COL5A2: variants seen among roughly 807,000 people sequenced by gnomAD.
The protein encoded by COL5A2 is collagen type V alpha 2 chain.
COL5A2 carries 23 observed loss-of-function variants against 208.2 expected under a neutral mutation model. The ratio of observed to expected loss-of-function variants is 0.11; its 90% CI spans 0.08 to 0.16. The LOEUF (loss-of-function observed/expected upper bound fraction) is 0.16. COL5A2 is among the 10% of genes least tolerant of loss of function. COL5A2 has a pLI of 1.00. For missense variants in COL5A2, 1,590 were observed against 1,956.4 expected (o/e 0.81, Z 3.53); for synonymous variants, 625 against 628.5 (o/e 0.99, Z 0.08).
chr2:189,172,779 T>C (rs1688595847), intron 1 of COL5A2, among the ~76,000 whole-genome samples: 1 of 152,056 alleles, frequency 6.6e-6, no homozygotes, highest in African/African-American at 2.4e-5. Context: ...CAATTCTGAT[T>C]GGGCATCTCA....
intron 12 of COL5A2, among the ~76,000 whole-genome samples, chr2:189,082,815 T>C (rs1403761413): frequency 3.3e-5 from 5 of 152,122 alleles, no homozygotes; most frequent in African/African-American, 1.2e-4. Flanking sequence ...CAGCAGGACA[T>C]GGGAAGTTCA....
intron 1 of COL5A2, among the ~76,000 whole-genome samples, chr2:189,169,396 T>C (rs1688529534): frequency 6.6e-6 from 1 of 152,124 alleles, no homozygotes; most frequent in South Asian, 2.1e-4. Context: ...AAACTCTCCA[T>C]TGGGAAATGC....
the COL5A2 span, among the ~76,000 whole-genome samples, chr2:189,325,774 G>C: frequency 6.6e-6 from 1 of 152,018 alleles, no homozygotes; most frequent in Non-Finnish European, 1.5e-5. Flanking sequence ...TCCTCTAAAA[G>C]TTTGAAGTCA....
At chr2:189,348,061 G>C in the COL5A2 span, among the ~76,000 whole-genome samples, 1 of 151,800 alleles carries the variant, frequency 6.6e-6, no homozygotes, top group Non-Finnish European at 1.5e-5. Context: ...AAAAATAAAA[G>C]TCCAACAACC....
the COL5A2 span, among the ~76,000 whole-genome samples, chr2:189,406,206 GAATTTT>G: frequency 6.6e-6 from 1 of 152,070 alleles, no homozygotes; most frequent in African/African-American, 2.4e-5. Flanking sequence ...TGGAAATTGA[GAATTTT>G]AATTTTAATC....
intron 1 of COL5A2, among the ~76,000 whole-genome samples, chr2:189,192,495 C>G (rs1688943822): frequency 6.6e-6 from 1 of 152,068 alleles, no homozygotes; most frequent in Non-Finnish European, 1.5e-5. Flanking sequence ...GTAAAAGACC[C>G]TTAATATTTC....
rs1316947389 is a variant in COL5A2 at position 189,032,063 on chromosome 2, A to G, written c.*2007T>C. The G allele has an allele frequency of 6.6e-6, 1 of 152,208 alleles. No individual in the cohort carries two copies. The highest frequency in any genetic ancestry group is 1.5e-5 in the Non-Finnish European group (1 of 68,030). The allele number at this position is 152,208 out of a possible 1,614,324, so 9.4% of individuals were successfully genotyped here. Reference sequence around the variant, plus strand: ...TATAGTTTGGACTTGGAAGTCAAACAAAACTCACACATGTATTTAGGCATA... The same window carrying G: ...TATAGTTTGGACTTGGAAGTCAAACGAAACTCACACATGTATTTAGGCATA... On this transcript the variant is annotated 3_prime_UTR_variant, in exon 54 of 54. Coordinates refer to ENST00000374866, the MANE Select transcript of COL5A2 (RefSeq NM_000393.5).
At chr2:189,364,974 C>T in the COL5A2 span, among the ~76,000 whole-genome samples, 1 of 151,900 alleles carries the variant, frequency 6.6e-6, no homozygotes, top group African/African-American at 2.4e-5. Context: ...TTAACTTCTC[C>T]GTAAATCTGA....
chr2:189,075,465 G>A, intron 16 of COL5A2, 28 bp from the exon 17 acceptor site: 2 of 1,576,336 alleles, frequency 1.3e-6, no homozygotes, highest in Non-Finnish European at 8.7e-7. Flanking sequence ...AGACAAGACA[G>A]GATAAGATTA....
At chr2:189,314,940 T>C in the COL5A2 span, among the ~76,000 whole-genome samples, 6 of 152,064 alleles carry the variant, frequency 3.9e-5, no homozygotes, top group African/African-American at 9.7e-5. Flanking sequence ...CAGTAATAAA[T>C]AGCATACCAA....
Position 189,110,254 on chromosome 2 carries a change from T to C in COL5A2, c.293A>G (p.Gln98Arg), listed in dbSNP as rs374402209. ...ATTGGTATTGCCACCTCCAGGTGTT[T>C]GTGAACAGACAGGACAGCATTCCCC... is the stretch of plus-strand genomic sequence containing the variant. ...PPGECCPVCSQTPGGGNTNFG... is the reference protein window; with the variant it reads ...PPGECCPVCSRTPGGGNTNFG... The change falls in exon 2 of 54, where the codon CAA becomes CGA. Residue 98 changes from glutamine (Q) to arginine (R), a missense_variant. Coordinates refer to ENST00000374866, the MANE Select transcript of COL5A2 (RefSeq NM_000393.5). 1.1e-5 allele frequency: 17 copies of C among 1,613,970 alleles called. No homozygotes were observed. The African/African-American group carries it at 2.1e-4, about 20-fold the overall frequency.
At chr2:189,082,075 G>C (rs1382648510) in intron 12 of COL5A2, among the ~76,000 whole-genome samples, 1 of 152,062 alleles carries the variant, frequency 6.6e-6, no homozygotes, top group Non-Finnish European at 1.5e-5. Context: ...ATAATCACTG[G>C]ATAAACAACT....
At chr2:189,433,634 A>G in the COL5A2 span, among the ~76,000 whole-genome samples, 1,056 of 152,320 alleles carry the variant, frequency 6.9e-3, 13 homozygotes, top group African/African-American at 0.024. Flanking sequence ...TAAACCAGGA[A>G]GAAGTTGAAT....
chr2:189,148,043 T>C (rs1420553716), intron 1 of COL5A2, among the ~76,000 whole-genome samples: 1 of 152,174 alleles, frequency 6.6e-6, no homozygotes, highest in Non-Finnish European at 1.5e-5. Context: ...TTAGTATTAA[T>C]AGAAAGAGGA....
the COL5A2 span, among the ~76,000 whole-genome samples, chr2:189,416,568 G>T: frequency 6.6e-6 from 1 of 152,168 alleles, no homozygotes; most frequent in Non-Finnish European, 1.5e-5. Context: ...TTGTGGGGTA[G>T]GAGGAAGGGG....
At chr2:189,317,303 T>C in the COL5A2 span, among the ~76,000 whole-genome samples, 2 of 152,144 alleles carry the variant, frequency 1.3e-5, no homozygotes, top group Admixed American at 6.5e-5. Flanking sequence ...CCTGGCAGTA[T>C]TTCCTCTATA....
intron 16 of COL5A2, among the ~76,000 whole-genome samples, chr2:189,077,519 G>A (rs1297047929): frequency 6.6e-6 from 1 of 152,136 alleles, no homozygotes; most frequent in East Asian, 1.9e-4. Flanking sequence ...CCAATGCTGG[G>A]GCAGAAATGT....
intron 19 of COL5A2, 90 bp downstream of exon 19, chr2:189,068,696 T>C: frequency 1.1e-6 from 1 of 880,142 alleles, no homozygotes; most frequent in South Asian, 1.4e-5. Flanking sequence ...AAATATTATG[T>C]ATCAATTAAA....
Position 189,110,414 on chromosome 2 carries a change from C to G in COL5A2, c.133G>C (p.Gly45Arg). The G allele has an allele frequency of 6.2e-7, 1 of 1,614,048 alleles. No homozygotes were observed. Among genetic ancestry groups the G allele is most frequent in the Non-Finnish European group, 8.5e-7 (1 of 1,179,944 alleles). Residue 45 changes from glycine (G) to arginine (R), a missense_variant, in exon 2 of 54, where the codon GGC (glycine) becomes CGC (arginine). By Grantham distance (125) the Gly-to-Arg change is moderately radical (BLOSUM62 -2). Coordinates refer to ENST00000374866, the MANE Select transcript of COL5A2 (RefSeq NM_000393.5). ...ATGTCCCTGTTTAAGTACATCTGGC[C>G]ATTCTGAGTGCAGGCTATTTCTTCA... ...YGEEIACTQN[G>R]QMYLNRDIWK...
Sources: allele counts gnomAD v4.1 joint callset (sites outside exome capture counted in the v4.1 genomes callset), GRCh38; gene constraint gnomAD v4.1.1; transcripts MANE v1.5; gene names NCBI Gene and HGNC (gene_info 2026-07-23, HGNC 2026-07-21).